CTNND2: variants seen among roughly 807,000 people sequenced by gnomAD.
CTNND2 encodes catenin delta-2.
In CTNND2, 22 loss-of-function variants were observed where a neutral mutation model predicts 144.4. That is an observed-to-expected ratio of 0.15 (90% CI 0.11 to 0.22). The LOEUF is 0.22. Among genes scored for constraint, CTNND2 ranks in the 10% least tolerant of loss-of-function variants. The probability of loss-of-function intolerance (pLI) is 1.00; values close to 1 mark genes in which losing one functional copy is unlikely to be tolerated. For synonymous variants in CTNND2, 751 were observed against 695.6 expected (o/e 1.08, Z -1.25); for missense variants, 1,353 against 1,618.8 (o/e 0.84, Z 2.82).
At chr5:11,788,976 A>G (rs4546382) in intron 1 of CTNND2, among the ~76,000 whole-genome samples, 148,808 of 152,118 alleles carry the variant, frequency 0.98, 72,862 homozygotes, top group East Asian at 1. Context: ...ATGGTTTCCA[A>G]CTTCATCCAT....
intron 9 of CTNND2, among the ~76,000 whole-genome samples, chr5:11,279,559 AGGAAATTCATGTTAC>A (rs1746907372): frequency 2.6e-5 from 4 of 152,300 alleles, no homozygotes; most frequent in South Asian, 4.1e-4. Flanking sequence ...TTCAAAGCTA[AGGAAATTCATGTTAC>A]CCCTCTTAAG....
In CTNND2 at chr5:11,479,059, T is replaced by C. The variant is rs563840004; in HGVS notation, c.288-66990A>G. On this transcript the variant is annotated intron_variant, in intron 3 of 21. Coordinates refer to ENST00000304623, the MANE Select transcript of CTNND2 (RefSeq NM_001332.4). ...GGTTTCTTATATAGGTTCACTTGTG[T>C]CATGGGGGTTTGCTGTTCAGATTAT... Among the ~76,000 whole-genome samples, 89 of 152,312 alleles carry C rather than the reference T, an allele frequency of 5.8e-4. 2 individuals are homozygous for C. Among genetic ancestry groups the C allele is most frequent in the African/African-American group, 1.7e-3 (72 of 41,574 alleles).
At chr5:11,633,768 A>G (rs1438123254) in intron 2 of CTNND2, among the ~76,000 whole-genome samples, 1 of 119,696 alleles carries the variant, frequency 8.4e-6, no homozygotes, top group Non-Finnish European at 1.9e-5. Context: ...AGAATGAGGC[A>G]CTGTCTCAAA....
chr5:11,470,057 T>C lies in CTNND2; in HGVS notation c.288-57988A>G, dbSNP rs141073978. On this transcript the variant is annotated intron_variant, in intron 3 of 21. Coordinates refer to ENST00000304623, the MANE Select transcript of CTNND2 (RefSeq NM_001332.4). ...AATTGCTTAGTACAGCATATAATAA[T>C]TCTATGCTATCCAACTCCACTCTCG... Among the ~76,000 whole-genome samples the C allele has an allele frequency of 3.8e-4, 58 of 152,274 alleles. No homozygotes were observed. In the East Asian group the frequency reaches 0.011, roughly 28 times the overall value.
At chr5:11,015,258 A>T (rs569394037) in intron 18 of CTNND2, among the ~76,000 whole-genome samples, 1 of 152,374 alleles carries the variant, frequency 6.6e-6, no homozygotes, top group South Asian at 2.1e-4. Flanking sequence ...CTCACAAAGG[A>T]GCTTTTCAAA....
intron 4 of CTNND2, 109 bp downstream of exon 4, chr5:11,411,926 G>A (rs1220620429): frequency 1.2e-5 from 11 of 888,500 alleles, no homozygotes; most frequent in African/African-American, 5.0e-5. Flanking sequence ...TTTTACTATC[G>A]GGATGTTTTC....
intron 9 of CTNND2, among the ~76,000 whole-genome samples, chr5:11,241,099 C>A (rs558566379): frequency 1.8e-4 from 27 of 151,486 alleles, no homozygotes; most frequent in African/African-American, 5.6e-4. Context: ...AATACACACA[C>A]CCAACATGTA....
chr5:11,364,633 G>C lies in CTNND2; in HGVS notation c.1372+63C>G, dbSNP rs143963591. ...ACACCTTTCATTTGGGAGTGTTATT[G>C]AAGCTCCCGCGCAGAGCCCACCCCC... is the stretch of plus-strand genomic sequence containing the variant. On this transcript the variant is annotated intron_variant, in intron 8 of 21. Coordinates refer to ENST00000304623, the MANE Select transcript of CTNND2 (RefSeq NM_001332.4). 244 of 1,369,976 alleles carry C rather than the reference G, an allele frequency of 1.8e-4. No individual in the cohort carries two copies. In the African/African-American group the frequency reaches 3.3e-3, roughly 18 times the overall value. The allele number at this position is 1,369,976 out of a possible 1,614,324, so 84.9% of individuals were successfully genotyped here. A position where few individuals can be genotyped will look rare whatever the true frequency, so the allele number is the denominator to read the frequency against.
intron 13 of CTNND2, among the ~76,000 whole-genome samples, chr5:11,114,821 C>A (rs1261386881): frequency 1.3e-5 from 2 of 152,174 alleles, no homozygotes; most frequent in Non-Finnish European, 2.9e-5. Flanking sequence ...AAACCCCTCA[C>A]CCTCAATTTG....
chr5:10,996,670 C>A (rs763528784), intron 18 of CTNND2, among the ~76,000 whole-genome samples: 3 of 152,150 alleles, frequency 2.0e-5, no homozygotes, highest in Non-Finnish European at 4.4e-5. Context: ...GTGATCTTGG[C>A]TCGCTGCAAA....
Position 11,128,944 on chromosome 5 carries a change from A to G in CTNND2, c.2160-11377T>C, listed in dbSNP as rs1442792220. Among the ~76,000 whole-genome samples the G allele has an allele frequency of 4.1e-3, 207 of 50,762 alleles. 15 individuals are homozygous for G. The highest frequency in any genetic ancestry group is 0.012 in the African/African-American group (197 of 16,144). The allele number at this position is 50,762 out of a possible 152,430, so 33.3% of individuals were successfully genotyped here. A position where few individuals can be genotyped will look rare whatever the true frequency, so the allele number is the denominator to read the frequency against. On this transcript the variant is annotated intron_variant, in intron 12 of 21. Transcript: ENST00000304623. ...TATAATACATAAATATATATATTAT[A>G]TATAATATATAAATATATATAATAT...
intron 12 of CTNND2, among the ~76,000 whole-genome samples, chr5:11,122,613 T>C (rs771465507): frequency 6.6e-4 from 101 of 152,142 alleles, no homozygotes; most frequent in Admixed American, 4.4e-3. Context: ...TTCACATCCC[T>C]GGGCAGGCGC....
intron 2 of CTNND2, among the ~76,000 whole-genome samples, chr5:11,597,419 C>G (rs1231715103): frequency 2.6e-5 from 4 of 152,106 alleles, no homozygotes; most frequent in Non-Finnish European, 5.9e-5. Context: ...CTTGGTATTT[C>G]AAAGCTGCTG....
chr5:11,078,765 A>G (rs1322498057), intron 16 of CTNND2, among the ~76,000 whole-genome samples: 1 of 152,210 alleles, frequency 6.6e-6, no homozygotes, highest in Non-Finnish European at 1.5e-5. Flanking sequence ...GTCTGAAACA[A>G]CTGTGCAACG....
intron 18 of CTNND2, among the ~76,000 whole-genome samples, chr5:10,999,649 A>G (rs1476364561): frequency 6.6e-6 from 1 of 152,224 alleles, no homozygotes; most frequent in African/African-American, 2.4e-5. Context: ...ATGTGATATG[A>G]TATCTGTGCC....
At chr5:11,461,588 T>C (rs933124183) in intron 3 of CTNND2, among the ~76,000 whole-genome samples, 1 of 152,164 alleles carries the variant, frequency 6.6e-6, no homozygotes, top group Non-Finnish European at 1.5e-5. Flanking sequence ...GTCACCTCTG[T>C]CCCTTCAATG....
intron 1 of CTNND2, among the ~76,000 whole-genome samples, chr5:11,850,180 G>C (rs1794948308): frequency 6.6e-6 from 1 of 152,056 alleles, no homozygotes; most frequent in Non-Finnish European, 1.5e-5. Flanking sequence ...CTAATACAGA[G>C]CTCTCATGTA....
At chr5:11,586,981 G>T (rs1032948937) in intron 2 of CTNND2, among the ~76,000 whole-genome samples, 1 of 151,988 alleles carries the variant, frequency 6.6e-6, no homozygotes, top group Middle Eastern at 3.4e-3. Context: ...ATTTATAGTC[G>T]GAAATATAAG....
chr5:11,587,394 C>T (rs920698292), intron 2 of CTNND2, among the ~76,000 whole-genome samples: 36 of 152,014 alleles, frequency 2.4e-4, no homozygotes, highest in African/African-American at 7.5e-4. Context: ...GTAAGAGATG[C>T]CCTCAGAATA....
Sources: gnomAD v4.1 joint callset for allele counts (sites outside exome capture counted in the v4.1 genomes callset) on GRCh38, gnomAD v4.1.1 for gene constraint, MANE v1.5 for transcripts, NCBI Gene and HGNC (gene_info 2026-07-23, HGNC 2026-07-21) for gene names.